The following CEP250 variants were observed in gnomAD, a reference collection of about 807,000 sequenced individuals.
CEP250 encodes centrosome-associated protein CEP250.
A neutral mutation model predicts 315.7 loss-of-function variants in CEP250; 242 were observed. That is an observed-to-expected ratio of 0.77 (90% CI 0.69 to 0.85). The LOEUF (loss-of-function observed/expected upper bound fraction) is 0.85. Ranked by LOEUF, CEP250 falls within the 40% of genes least tolerant of loss-of-function variation. The pLI, the probability that CEP250 is intolerant of heterozygous loss-of-function variation, is 0.00. For missense variants in CEP250, 2,515 were observed against 2,886.4 expected (o/e 0.87, Z 2.95); for synonymous variants, 1,088 against 1,175.0 (o/e 0.93, Z 1.51).
In CEP250 at chr20:35,480,021, A is replaced by C; in HGVS notation, c.2462A>C (p.Gln821Pro). Residue 821 changes from glutamine to proline, a missense_variant, in exon 20 of 35, where the codon CAG (glutamine) becomes CCG (proline). Transcript: ENST00000397527. Reference sequence around the variant, plus strand: ...CTGGAACTGGACACTGAACGGAGTCAGGCAGAGCAGGAGCGGGATGCTGCA... The same window carrying C: ...CTGGAACTGGACACTGAACGGAGTCCGGCAGAGCAGGAGCGGGATGCTGCA... ...LKLELDTERS[Q>P]AEQERDAAAR... The C allele has an allele frequency of 6.2e-7, 1 of 1,613,758 alleles. No homozygotes were observed. Among genetic ancestry groups the C allele is most frequent in the African/African-American group, 1.3e-5 (1 of 75,040 alleles).
Position 35,476,504 on chromosome 20 carries a change from T to C in CEP250, c.1772T>C (p.Val591Ala). ...TCTGAAAACACCCTGAAGACAGAAG[T>C]AGCTGATCTTCGGGCTGCAGCTGTC... ...SSSENTLKTE[V>A]ADLRAAAVKL... Residue 591 changes from valine to alanine, a missense_variant, in exon 16 of 35, where the codon GTA becomes GCA. Transcript: ENST00000397527. 1.2e-6 allele frequency: 2 copies of C among 1,614,060 alleles called. No homozygotes were observed. The highest frequency in any genetic ancestry group is 2.2e-5 in the South Asian group (2 of 91,072).
At chr20:35,479,138 G>C (rs1467827026) in intron 17 of CEP250, 93 bp from the exon 18 acceptor site, 4 of 1,255,918 alleles carry the variant, frequency 3.2e-6, no homozygotes, top group African/African-American at 1.5e-5. Flanking sequence ...GCTGGGTCCA[G>C]AATCTCTGAA....
rs1387843612 is a variant in CEP250, at chr20:35,513,044, C to T, written c.*1418C>T. The T allele has an allele frequency of 6.6e-6, 1 of 152,252 alleles. No homozygotes were observed. The highest frequency in any genetic ancestry group is 1.5e-5 in the Non-Finnish European group (1 of 68,066). The allele number at this position is 152,252 out of a possible 1,614,324, so 9.4% of individuals were successfully genotyped here. The stretch of plus-strand genomic sequence containing the variant: ...GGCTCAGCCCCATTATGTCTCATTG[C>T]ACCACACAGAGTGGAAATGGGGCTG... On this transcript the variant is annotated 3_prime_UTR_variant, in exon 35 of 35. Coordinates refer to ENST00000397527, the MANE Select transcript of CEP250 (RefSeq NM_007186.6).
At chr20:35,505,629 G>A (rs1420282693) in intron 30 of CEP250, among the ~76,000 whole-genome samples, 1 of 147,060 alleles carries the variant, frequency 6.8e-6, no homozygotes, top group Non-Finnish European at 1.5e-5. Flanking sequence ...CTCGAGCCTG[G>A]GCAAAGAAAC....
rs1215912192 is a variant in CEP250, at chr20:35,479,960, G to T, written c.2417-16G>T. Reference sequence around the variant, plus strand: ...AAGGAGGGGGCGGAGGCCTGATCCTGTCCCTGGCATGTTAGGGGAAGTGAG... The same window carrying T: ...AAGGAGGGGGCGGAGGCCTGATCCTTTCCCTGGCATGTTAGGGGAAGTGAG... On this transcript the variant is annotated splice_polypyrimidine_tract_variant and intron_variant, in intron 19 of 34. Coordinates refer to ENST00000397527, the MANE Select transcript of CEP250 (RefSeq NM_007186.6). 1 of 1,612,834 alleles carries T rather than the reference G, an allele frequency of 6.2e-7. No individual in the cohort carries two copies. Among genetic ancestry groups the T allele is most frequent in the Non-Finnish European group, 8.5e-7 (1 of 1,179,252 alleles).
chr20:35,507,132 C>G (rs570271555), intron 30 of CEP250, among the ~76,000 whole-genome samples: 7 of 152,320 alleles, frequency 4.6e-5, no homozygotes, highest in African/African-American at 1.7e-4. Flanking sequence ...TCCTCTCTCC[C>G]AGGCAACCCA....
intron 16 of CEP250, among the ~76,000 whole-genome samples, chr20:35,477,221 G>T (rs181755769): frequency 7.9e-5 from 12 of 152,178 alleles, no homozygotes; most frequent in African/African-American, 2.4e-4. Flanking sequence ...TGTTGGTCAG[G>T]CTGTTCTCAA....
Position 35,493,500 on chromosome 20 carries a change from C to CTCCTTGCTGCCCTCCTT in CEP250, c.2961_2962insTCCTTGCTGCCCTCCTT (p.Arg988SerfsTer34). ...AGCTGAAGGAGGCAGCCCGGCAGCA[C>CTCCTTGCTGCCCTCCTT]AGAGATGACCTTGCTGCCCTCCAAG... On this transcript the variant is annotated frameshift_variant, in exon 23 of 35. Coordinates refer to ENST00000397527, the MANE Select transcript of CEP250 (RefSeq NM_007186.6). LOFTEE classifies it high-confidence loss of function. The CTCCTTGCTGCCCTCCTT allele has an allele frequency of 6.2e-7, 1 of 1,609,898 alleles. No individual in the cohort carries two copies. The highest frequency in any genetic ancestry group is 8.5e-7 in the Non-Finnish European group (1 of 1,178,286).
rs919413822 is a variant in CEP250, at chr20:35,511,746, G to A, written c.*120G>A. 50 of 1,439,276 alleles carry A rather than the reference G, an allele frequency of 3.5e-5. No individual in the cohort carries two copies. The East Asian group carries it at 1.0e-3, about 29-fold the overall frequency. 89.2% of individuals were successfully genotyped at this position (1,439,276 alleles called of 1,614,324 possible). ...GTTAGGCACCCAGGAGCCCCAGGTC[G>A]GCGGGTGTTCCCAGGAAGAGGAAGT... On this transcript the variant is annotated 3_prime_UTR_variant, in exon 35 of 35. Coordinates refer to ENST00000397527, the MANE Select transcript of CEP250 (RefSeq NM_007186.6).
intron 20 of CEP250, among the ~76,000 whole-genome samples, chr20:35,489,557 A>G (rs150786564): frequency 8.5e-4 from 130 of 152,340 alleles, no homozygotes; most frequent in African/African-American, 2.9e-3. Context: ...AGAAATTGAG[A>G]TCATGCTAGT....
intron 28 of CEP250, 104 bp from the exon 29 acceptor site, chr20:35,501,741 C>T: frequency 2.3e-6 from 3 of 1,312,684 alleles, no homozygotes; most frequent in Middle Eastern, 1.9e-4. Flanking sequence ...GCCTTCCTTC[C>T]CTTTGAATCT....
At position 35,510,040 on chromosome 20, in the gene CEP250, G is replaced by A; in HGVS notation, c.7051G>A (p.Glu2351Lys). The A allele has an allele frequency of 6.2e-7, 1 of 1,614,180 alleles. No homozygotes were observed. The highest frequency in any genetic ancestry group is 1.7e-5 in the Admixed American group (1 of 60,032). Residue 2351 changes from glutamate to lysine, a missense_variant, in exon 34 of 35, where the codon GAA (glutamate) becomes AAA (lysine). Coordinates refer to ENST00000397527, the MANE Select transcript of CEP250 (RefSeq NM_007186.6). Reference sequence around the variant, plus strand: ...GAACTCAGATGCCAAGTGTGTGGCTGAACTGCAGAAAGAGGTATGTTCTGG... The same window carrying A: ...GAACTCAGATGCCAAGTGTGTGGCTAAACTGCAGAAAGAGGTATGTTCTGG... ...QKNSDAKCVA[E>K]LQKEVVLLQA...
At chr20:35,473,723 G>A in intron 13 of CEP250, 147 bp from the exon 14 acceptor site, 1 of 1,005,258 alleles carries the variant, frequency 9.9e-7, no homozygotes, top group Non-Finnish European at 1.4e-6. Context: ...AGCTTTTGGG[G>A]TTGGAGTCTT....
chr20:35,511,726 G>A lies in CEP250; in HGVS notation c.*100G>A. 6.8e-7 allele frequency: 1 copy of A among 1,464,010 alleles called. No homozygotes were observed. Among genetic ancestry groups the A allele is most frequent in the Admixed American group, 2.6e-5 (1 of 38,320 alleles). 90.7% of individuals were successfully genotyped at this position (1,464,010 alleles called of 1,614,324 possible). On this transcript the variant is annotated 3_prime_UTR_variant, in exon 35 of 35. Transcript: ENST00000397527. ...CAAAGGAAAAGCCTGGCTCTGTTAG[G>A]CACCCAGGAGCCCCAGGTCGGCGGG...
intron 14 of CEP250, chr20:35,474,977 G>A: frequency 2.4e-6 from 1 of 411,972 alleles, no homozygotes; most frequent in Non-Finnish European, 5.0e-6. Flanking sequence ...GCTGCCATAA[G>A]GGTCATGACT....
chr20:35,472,162 GCCT>G lies in CEP250; in HGVS notation c.1050+15_1050+17del. ...AAGGATATAACCCAGGTACTGGGAAGCCTCCTGTTCATGGTAACCAGGTTATGC... is the reference window on the plus strand; with the variant it reads ...AAGGATATAACCCAGGTACTGGGAAGCCTGTTCATGGTAACCAGGTTATGC... On this transcript the variant is annotated intron_variant, in intron 11 of 34. Transcript: ENST00000397527. 1 of 1,533,294 alleles carries G rather than the reference GCCT, an allele frequency of 6.5e-7. No homozygotes were observed. The highest frequency in any genetic ancestry group is 9.0e-7 in the Non-Finnish European group (1 of 1,106,468). The allele number at this position is 1,533,294 out of a possible 1,614,324, so 95.0% of individuals were successfully genotyped here.
intron 25 of CEP250, among the ~76,000 whole-genome samples, chr20:35,497,412 G>A (rs1449104577): frequency 1.3e-5 from 2 of 152,190 alleles, no homozygotes; most frequent in Non-Finnish European, 2.9e-5. Flanking sequence ...CTTACTAGGC[G>A]CAGCGTCGAG....
In CEP250 at chr20:35,467,574, C is replaced by G. The variant is rs969474188; in HGVS notation, c.851+19C>G. Reference sequence around the variant, plus strand: ...AGGACCGGTGAGATGGCCTGGGGTCCCAAGAAGGGTTCGCTGAGAGAGAGC... The same window carrying G: ...AGGACCGGTGAGATGGCCTGGGGTCGCAAGAAGGGTTCGCTGAGAGAGAGC... On this transcript the variant is annotated intron_variant, in intron 9 of 34. Transcript: ENST00000397527. 1 of 1,610,852 alleles carries G rather than the reference C, an allele frequency of 6.2e-7. No homozygotes were observed. The highest frequency in any genetic ancestry group is 8.5e-7 in the Non-Finnish European group (1 of 1,178,680).
intron 20 of CEP250, among the ~76,000 whole-genome samples, chr20:35,485,645 C>CTATTT: frequency 3.0e-5 from 1 of 33,818 alleles, no homozygotes; most frequent in East Asian, 8.6e-4. Context: ...GTCTGCCTGG[C>CTATTT]TTTTTTTTTT....
Sources: gnomAD v4.1 joint callset for allele counts (sites outside exome capture counted in the v4.1 genomes callset) on GRCh38, gnomAD v4.1.1 for gene constraint, MANE v1.5 for transcripts, NCBI Gene and HGNC (gene_info 2026-07-23, HGNC 2026-07-21) for gene names.